The following SH2B1 variants were observed in gnomAD, a reference collection of about 807,000 sequenced individuals.
SH2B1 encodes the protein SH2B adaptor protein 1, also known as SH2B adapter protein 1.
A neutral mutation model predicts 62.6 loss-of-function variants in SH2B1; 15 were observed. That is an observed-to-expected ratio of 0.24 (90% CI 0.16 to 0.37). SH2B1 has a LOEUF of 0.37. SH2B1 is among the 10% of genes least tolerant of loss of function. SH2B1 has a pLI of 1.00. For missense variants in SH2B1, 925 were observed against 1,015.6 expected (o/e 0.91, Z 1.21); for synonymous variants, 443 against 438.0 (o/e 1.01, Z -0.14).
Position 28,873,456 on chromosome 16 carries a change from C to T in SH2B1, c.1907C>T (p.Thr636Ile). The T allele has an allele frequency of 6.4e-7, 1 of 1,565,090 alleles. No homozygotes were observed. Residue 636 changes from threonine (T) to isoleucine (I), a missense_variant, in exon 8 of 8, where the codon ACC becomes ATC. Coordinates refer to ENST00000684370, the MANE Select transcript of SH2B1 (RefSeq NM_001387430.1). This position sits in a 1 kb window ranked among gnomAD's most constrained non-coding sequence, Gnocchi z 4.2. ...TACCATTCCTATCCAGAACCGACCACCTCCCATGACCCACCCCAGCCCCCT... is the reference window on the plus strand; with the variant it reads ...TACCATTCCTATCCAGAACCGACCATCTCCCATGACCCACCCCAGCCCCCT... Reference protein sequence around the residue: ...PSSQRQQEPTTSHDPPQPPEP... With the variant: ...PSSQRQQEPTISHDPPQPPEP...
rs1963086540 is a variant in SH2B1, at chr16:28,872,244, C to T, written c.1568C>T (p.Ser523Leu). ...GGCGGTGAGGGGGACCAGCCCCTCT[C>T]AGGGTATCCTTGGTTCCACGGGATG... Reference protein sequence around the residue: ...PEGGEGDQPLSGYPWFHGMLS... With the variant: ...PEGGEGDQPLLGYPWFHGMLS... The change falls in exon 6 of 8, where the codon TCA becomes TTA. Residue 523 changes from serine to leucine, a missense_variant. Transcript: ENST00000684370. This position sits in a 1 kb window ranked among gnomAD's most constrained non-coding sequence, Gnocchi z 5.3. 2 of 1,613,996 alleles carry T rather than the reference C, an allele frequency of 1.2e-6. No homozygotes were observed. Among genetic ancestry groups the T allele is most frequent in the East Asian group, 2.2e-5 (1 of 44,874 alleles).
intron 1 of SH2B1, among the ~76,000 whole-genome samples, chr16:28,855,919 C>T (rs1161798945): frequency 6.8e-6 from 1 of 146,048 alleles, no homozygotes; most frequent in Non-Finnish European, 1.5e-5. Context: ...GATCCGCCTG[C>T]CTCGGCCTCC....
At position 28,871,924 on chromosome 16, in the gene SH2B1, G is replaced by T; in HGVS notation, c.1454G>T (p.Gly485Val). ...RIPIEEGPPT[G>V]TVHPLSAPYP... ...CCCATTGAAGAGGGACCCCCAACAGGGACAGTTCATCCCCTCTCAGCCCCC... is the reference window on the plus strand; with the variant it reads ...CCCATTGAAGAGGGACCCCCAACAGTGACAGTTCATCCCCTCTCAGCCCCC... Residue 485 changes from glycine to valine, a missense_variant, in exon 5 of 8, where the codon GGG (glycine) becomes GTG (valine). Physicochemically the swap from Gly to Val is moderately radical, Grantham distance 109. This residue lies in a region of SH2B1 where 683 missense variants were observed against 704.0 expected (regional missense o/e 0.97). Coordinates refer to ENST00000684370, the MANE Select transcript of SH2B1 (RefSeq NM_001387430.1). The T allele has an allele frequency of 1.2e-6, 2 of 1,601,322 alleles. No homozygotes were observed. The highest frequency in any genetic ancestry group is 1.7e-6 in the Non-Finnish European group (2 of 1,169,834).
intron 1 of SH2B1, among the ~76,000 whole-genome samples, chr16:28,855,651 T>TTTTA (rs1555510486): frequency 1.9e-5 from 2 of 107,074 alleles, no homozygotes; most frequent in Non-Finnish European, 4.2e-5. Context: ...TTATTTATTT[T>TTTTA]TTTTTTGAGA....
At position 28,872,240 on chromosome 16, in the gene SH2B1, C is replaced by T; in HGVS notation, c.1564C>T (p.Leu522Phe). 6.2e-7 allele frequency: 1 copy of T among 1,614,016 alleles called. No homozygotes were observed. Among genetic ancestry groups the T allele is most frequent in the Non-Finnish European group, 8.5e-7 (1 of 1,179,898 alleles). Residue 522 changes from leucine (L) to phenylalanine (F), a missense_variant, in exon 6 of 8, where the codon CTC (leucine) becomes TTC (phenylalanine). Physicochemically the swap from Leu to Phe is conservative, Grantham distance 22. Transcript: ENST00000684370. The surrounding 1 kb of genome is among the most constrained non-coding windows in gnomAD (Gnocchi z 5.3). ...EPEGGEGDQP[L>F]SGYPWFHGML... is the part of the protein sequence containing the mutation. ...AGAGGGCGGTGAGGGGGACCAGCCCCTCTCAGGGTATCCTTGGTTCCACGG... is the reference window on the plus strand; with the variant it reads ...AGAGGGCGGTGAGGGGGACCAGCCCTTCTCAGGGTATCCTTGGTTCCACGG...
chr16:28,850,086 G>A (rs911375016), intron 1 of SH2B1, among the ~76,000 whole-genome samples: 6 of 152,120 alleles, frequency 3.9e-5, no homozygotes, highest in African/African-American at 1.4e-4. Context: ...TTAGTGAATG[G>A]CTCAGTCAGA....
intron 1 of SH2B1, among the ~76,000 whole-genome samples, chr16:28,850,955 A>C (rs911807647): frequency 1.5e-4 from 22 of 151,426 alleles, no homozygotes; most frequent in African/African-American, 5.3e-4. Flanking sequence ...CAGGTGGGTC[A>C]CGAGGTCAAG....
At chr16:28,860,427 G>A (rs188391042), upstream of SH2B1, among the ~76,000 whole-genome samples, 35 of 151,844 alleles carry the variant, frequency 2.3e-4, no homozygotes, top group Non-Finnish European at 1.9e-4. Flanking sequence ...AATTTTAGTA[G>A]AGACAGGGTT....
At chr16:28,861,598 A>T (rs899717522), upstream of SH2B1, 4 of 150,012 alleles carry the variant, frequency 2.7e-5, no homozygotes. Flanking sequence ...ACGCCTGGCT[A>T]ATTTTTTTTG....
Position 28,873,155 on chromosome 16 carries a change from TG to T in SH2B1, c.1898-291del. The T allele has an allele frequency of 6.5e-7, 1 of 1,539,286 alleles. No homozygotes were observed. The highest frequency in any genetic ancestry group is 8.7e-7 in the Non-Finnish European group (1 of 1,147,468). On this transcript the variant is annotated intron_variant, in intron 7 of 7. Coordinates refer to ENST00000684370, the MANE Select transcript of SH2B1 (RefSeq NM_001387430.1). This position sits in a 1 kb window ranked among gnomAD's most constrained non-coding sequence, Gnocchi z 4.2. ...CCCACCGTCCCATCTGTCCCCACGT[TG>T]CCCCTCCCCCCAGGCCGGGAGCAGG... is the stretch of plus-strand genomic sequence containing the variant.
At chr16:28,869,542 C>A (rs1291668213) in intron 4 of SH2B1, among the ~76,000 whole-genome samples, 159 bp downstream of exon 4, 1 of 152,128 alleles carries the variant, frequency 6.6e-6, no homozygotes, top group South Asian at 2.1e-4. Context: ...GATCCCTGAA[C>A]ACAGCCACAG....
In SH2B1 at chr16:28,865,927, G is replaced by A; in HGVS notation, c.-168G>A. ...TCTCTGCGGAGTCTGAAGTAGGGTC[G>A]GACGTCTCTGGCTGGGGGTGGGATG... On this transcript the variant is annotated 5_prime_UTR_variant, in exon 1 of 8. Coordinates refer to ENST00000684370, the MANE Select transcript of SH2B1 (RefSeq NM_001387430.1). 5.7e-6 allele frequency: 8 copies of A among 1,414,542 alleles called. No homozygotes were observed. Among genetic ancestry groups the A allele is most frequent in the Non-Finnish European group, 7.3e-6 (8 of 1,089,672 alleles). 87.6% of individuals were successfully genotyped at this position (1,414,542 alleles called of 1,614,324 possible).
chr16:28,847,792 G>A (rs1294790565), intron 1 of SH2B1, among the ~76,000 whole-genome samples: 1 of 149,460 alleles, frequency 6.7e-6, no homozygotes, highest in African/African-American at 2.5e-5. Flanking sequence ...GCACCCCACC[G>A]TGAGTGACAG....
chr16:28,852,491 T>TACATATATTTATATATACAC (rs1962155691), intron 1 of SH2B1, among the ~76,000 whole-genome samples: 1 of 22,268 alleles, frequency 4.5e-5, no homozygotes, highest in Non-Finnish European at 7.0e-5. Flanking sequence ...TATATATACA[T>TACATATATTTATATATACAC]ACATATATTT....
upstream of SH2B1, among the ~76,000 whole-genome samples, chr16:28,859,856 T>C (rs1255852027): frequency 6.8e-6 from 1 of 146,982 alleles, no homozygotes; most frequent in African/African-American, 2.5e-5. Flanking sequence ...TTTCAATTAT[T>C]TAAACCAATA....
At chr16:28,867,868 G>A (rs535168876) in intron 2 of SH2B1, among the ~76,000 whole-genome samples, 3 of 152,314 alleles carry the variant, frequency 2.0e-5, no homozygotes, top group African/African-American at 7.2e-5. Flanking sequence ...TTGCTCTGCC[G>A]CACAGGCTGG....
Position 28,852,615 on chromosome 16 carries a change from CAT to C in SH2B1, c.-301+5795_-301+5796del, listed in dbSNP as rs1181302006. Among the ~76,000 whole-genome samples, 16 of 73,446 alleles carry C rather than the reference CAT, an allele frequency of 2.2e-4. 4 individuals carry two copies. Among genetic ancestry groups the C allele is most frequent in the African/African-American group, 5.1e-4 (8 of 15,672 alleles). The allele number at this position is 73,446 out of a possible 152,430, so 48.2% of individuals were successfully genotyped here. On this transcript the variant is annotated intron_variant, in intron 1 of 10. Coordinates refer to the SH2B1 transcript ENST00000322610. ...ACACATATATATTTATATATATACACATATATATTTATATATATACACATATA... is the reference window on the plus strand; with the variant it reads ...ACACATATATATTTATATATATACACATATATTTATATATATACACATATA...
chr16:28,849,286 G>A lies in SH2B1; in HGVS notation c.-301+2459G>A, dbSNP rs556212208. Among the ~76,000 whole-genome samples the A allele has an allele frequency of 1.2e-4, 18 of 152,058 alleles. No individual in the cohort carries two copies. In the East Asian group the frequency reaches 3.3e-3, roughly 28 times the overall value. On this transcript the variant is annotated intron_variant, in intron 1 of 10. Transcript: ENST00000322610. ...AATTTTTGTATTTTTTGTAGAGATG[G>A]GGTTTCGCCATGTTGGCCAGGCTGG...
intron 1 of SH2B1, among the ~76,000 whole-genome samples, chr16:28,851,738 T>C (rs1317184753): frequency 1.3e-5 from 2 of 150,474 alleles, no homozygotes; most frequent in African/African-American, 2.4e-5. Flanking sequence ...GCTGGGATTA[T>C]AGGCATGAGC....
Sources: gnomAD v4.1 joint callset for allele counts (sites outside exome capture counted in the v4.1 genomes callset) on GRCh38, gnomAD v4.1.1 for gene constraint, gnomAD v4.1.1 regional missense constraint, Gnocchi (gnomAD v3.1) non-coding constraint, MANE v1.5 for transcripts, NCBI Gene and HGNC (gene_info 2026-07-23, HGNC 2026-07-21) for gene names.